The following DHX38 variants were observed in gnomAD, a reference collection of about 807,000 sequenced individuals.
DHX38 encodes pre-mRNA-splicing factor ATP-dependent RNA helicase PRP16.
Under a neutral mutation model 153.1 loss-of-function variants are expected in DHX38, and 100 were observed. The ratio of observed to expected loss-of-function variants is 0.65; its 90% CI spans 0.56 to 0.77. The LOEUF (loss-of-function observed/expected upper bound fraction) is 0.77, where lower values mean the gene tolerates loss of function less well. Among genes scored for constraint, DHX38 ranks in the 30% least tolerant of loss-of-function variants. The pLI is 0.00. For synonymous variants in DHX38, 650 were observed against 631.7 expected, an observed-to-expected ratio of 1.03 and a Z score of -0.43; for missense variants, 1,440 against 1,654.0, an observed-to-expected ratio of 0.87 and a Z score of 2.24.
At chr16:72,102,853 G>GT (rs1160569692) in intron 11 of DHX38, among the ~76,000 whole-genome samples, 1 of 152,248 alleles carries the variant, frequency 6.6e-6, no homozygotes. Flanking sequence ...AGCTAGCTCT[G>GT]TTGGACCCTG....
At chr16:72,097,549 A>G in intron 3 of DHX38, 128 bp from the exon 4 acceptor site, 1 of 821,540 alleles carries the variant, frequency 1.2e-6, no homozygotes, top group Non-Finnish European at 2.0e-6. Flanking sequence ...TCAGGAGTCC[A>G]CGGATCACAT....
At position 72,103,674 on chromosome 16, in the gene DHX38, T is replaced by C. The variant is rs1226844532; in HGVS notation, c.1710T>C (p.His570=). 5 of 1,613,964 alleles carry C rather than the reference T, an allele frequency of 3.1e-6. No homozygotes were observed. In the Admixed American group the frequency reaches 8.3e-5, roughly 27 times the overall value. The change falls in exon 13 of 27, where the codon CAT becomes CAC. Residue 570 remains histidine (H), a synonymous_variant. Transcript: ENST00000268482. ...GKTTQLTQYL[H]EDGYTDYGMI... ...CCACTCAGCTGACGCAGTACCTGCA[T>C]GAAGATGGTTACACGGACTATGGGA... is the stretch of plus-strand genomic sequence containing the variant.
In DHX38 at chr16:72,101,618, C is replaced by T. The variant is rs756062623; in HGVS notation, c.1499+6C>T. ...GATGGGAAGGTGGACTACAGGTGGG[C>T]AGCCTCAGCCAGCAGCACATCAGCC... On this transcript the variant is annotated splice_donor_region_variant and intron_variant, in intron 11 of 26. Coordinates refer to ENST00000268482, the MANE Select transcript of DHX38 (RefSeq NM_014003.4). 14 of 1,549,244 alleles carry T rather than the reference C, an allele frequency of 9.0e-6. No individual in the cohort carries two copies. Among genetic ancestry groups the T allele is most frequent in the Admixed American group, 7.8e-5 (4 of 50,968 alleles).
Position 72,105,146 on chromosome 16 carries a change from C to G in DHX38, c.2262+9C>G. On this transcript the variant is annotated intron_variant, in intron 16 of 26. Transcript: ENST00000268482. Reference sequence around the variant, plus strand: ...GCCAAGAGGACATTGAGGTGCGTGCCTTGGTCACGACTGTGATGAGCGGGT... The same window carrying G: ...GCCAAGAGGACATTGAGGTGCGTGCGTTGGTCACGACTGTGATGAGCGGGT... 6.2e-7 allele frequency: 1 copy of G among 1,614,166 alleles called. No homozygotes were observed. The highest frequency in any genetic ancestry group is 8.5e-7 in the Non-Finnish European group (1 of 1,179,984).
chr16:72,100,321 C>A, intron 8 of DHX38, 115 bp from the exon 9 acceptor site: 3 of 1,394,526 alleles, frequency 2.2e-6, no homozygotes. Context: ...CCTGTGACAT[C>A]TTTGCAGCTA....
Position 72,109,413 on chromosome 16 carries a change from A to G in DHX38, c.3382-2A>G. ...CTCGCCTCCCTGCCCTTCTGCCCGC[A>G]GGAGTATATGCAGTGTGTGACCGCT... On this transcript the variant is annotated splice_acceptor_variant, in intron 24 of 26. Transcript: ENST00000268482. LOFTEE classifies it high-confidence loss of function. The G allele has an allele frequency of 6.2e-7, 1 of 1,612,586 alleles. No individual in the cohort carries two copies. The highest frequency in any genetic ancestry group is 8.5e-7 in the Non-Finnish European group (1 of 1,179,542).
chr16:72,100,989 A>C, intron 9 of DHX38, 97 bp from the exon 10 acceptor site: 1 of 1,197,386 alleles, frequency 8.4e-7, no homozygotes, highest in South Asian at 1.2e-5. Context: ...GCCCTGTACC[A>C]TGAGAGGGTA....
chr16:72,112,257 G>A lies in DHX38; in HGVS notation c.3600-156G>A, dbSNP rs180705005. 2.7e-4 allele frequency: 182 copies of A among 664,676 alleles called. 1 individual carries two copies. In the East Asian group the frequency reaches 4.3e-3, roughly 16 times the overall value. 41.2% of individuals were successfully genotyped at this position (664,676 alleles called of 1,614,324 possible). On this transcript the variant is annotated intron_variant, in intron 26 of 26. Transcript: ENST00000268482. ...TACATCGCCAGTCGAACATGGGGACGGCAGAGGAGTGAGAATGTGCCGGGG... is the reference window on the plus strand; with the variant it reads ...TACATCGCCAGTCGAACATGGGGACAGCAGAGGAGTGAGAATGTGCCGGGG...
At chr16:72,108,163 G>T (rs2042206461) in intron 21 of DHX38, 64 bp from the exon 22 acceptor site, 1 of 1,580,554 alleles carries the variant, frequency 6.3e-7, no homozygotes, top group African/African-American at 1.3e-5. Context: ...TAGAACCTCT[G>T]GGATGTGCTC....
Position 72,098,972 on chromosome 16 carries a change from C to G in DHX38, c.810C>G (p.Pro270=), listed in dbSNP as rs868763359. Residue 270 remains proline, a synonymous_variant, in exon 6 of 27, where the codon CCC becomes CCG. Transcript: ENST00000268482. ...KYSDDTPLPT[P]SYKYNEWADD... is the part of the protein sequence containing the mutation. ...CGGATGACACGCCTCTGCCAACTCCCTCCTACAAATATAACGAGTGGGCCG... is the reference window on the plus strand; with the variant it reads ...CGGATGACACGCCTCTGCCAACTCCGTCCTACAAATATAACGAGTGGGCCG... 6.2e-7 allele frequency: 1 copy of G among 1,614,076 alleles called. No individual in the cohort carries two copies. The highest frequency in any genetic ancestry group is 1.1e-5 in the South Asian group (1 of 91,076).
In DHX38 at chr16:72,101,111, A is replaced by G. The variant is rs1189035918; in HGVS notation, c.1304A>G (p.Asp435Gly). ...KQPEPVIPVKDATSDLAIIAR... is the reference protein window; with the variant it reads ...KQPEPVIPVKGATSDLAIIAR... ...CCGGAGCCGGTGATTCCAGTGAAGG[A>G]TGCTACTTCTGACCTGGCCATCATT... The change falls in exon 10 of 27, where the codon GAT (aspartate) becomes GGT (glycine). Residue 435 changes from aspartate (D) to glycine (G), a missense_variant. By Grantham distance (94) the Asp-to-Gly change is moderately conservative. This residue lies in a region of DHX38 where 241 missense variants were observed against 229.5 expected (regional missense o/e 1.05). Coordinates refer to ENST00000268482, the MANE Select transcript of DHX38 (RefSeq NM_014003.4). 1.2e-6 allele frequency: 2 copies of G among 1,614,244 alleles called. No homozygotes were observed. The highest frequency in any genetic ancestry group is 1.1e-5 in the South Asian group (1 of 91,082).
chr16:72,104,310 G>A lies in DHX38; in HGVS notation c.2011-176G>A, dbSNP rs923177812. On this transcript the variant is annotated intron_variant, in intron 14 of 26. Transcript: ENST00000268482. The surrounding 1 kb of genome is among the most constrained non-coding windows in gnomAD (Gnocchi z 4.5). ...ATGCTGTTCTTGCTCTGCTGAGGGTGGCTTGGGGTTTTCTGGGCAGTGGCT... is the reference window on the plus strand; with the variant it reads ...ATGCTGTTCTTGCTCTGCTGAGGGTAGCTTGGGGTTTTCTGGGCAGTGGCT... The A allele has an allele frequency of 3.4e-6, 4 of 1,185,342 alleles. No homozygotes were observed. The highest frequency in any genetic ancestry group is 1.6e-5 in the South Asian group (1 of 64,246). The allele number at this position is 1,185,342 out of a possible 1,614,324, so 73.4% of individuals were successfully genotyped here.
chr16:72,101,647 C>T, intron 11 of DHX38, 35 bp downstream of exon 11: 1 of 1,531,970 alleles, frequency 6.5e-7, no homozygotes, highest in Non-Finnish European at 8.8e-7. Flanking sequence ...ATCAGCCTTG[C>T]TCCAAAGATG....
intron 1 of DHX38, 25 bp from the exon 2 acceptor site, chr16:72,096,114 A>G (rs2042013518): frequency 6.4e-7 from 1 of 1,565,258 alleles, no homozygotes; most frequent in East Asian, 2.3e-5. Context: ...CTTCTCTAGT[A>G]CCAAATGGTT....
At chr16:72,103,501 G>T in intron 12 of DHX38, 101 bp from the exon 13 acceptor site, 1 of 1,340,330 alleles carries the variant, frequency 7.5e-7, no homozygotes. Context: ...ATGCTCCCTG[G>T]ATAGCTAGTC....
rs1407528593 is a variant in DHX38 at position 72,100,603 on chromosome 16, G to A, written c.1278+6G>A. ...GCATTGTCTTCACCAAGCAGGTGAG[G>A]CTCCTCTGTGGCCAGGGACAAGACA... On this transcript the variant is annotated splice_donor_region_variant and intron_variant, in intron 9 of 26. Transcript: ENST00000268482. The A allele has an allele frequency of 6.2e-7, 1 of 1,613,522 alleles. No homozygotes were observed. Among genetic ancestry groups the A allele is most frequent in the Non-Finnish European group, 8.5e-7 (1 of 1,179,788 alleles).
intron 8 of DHX38, 50 bp downstream of exon 8, chr16:72,099,937 A>G: frequency 6.4e-7 from 1 of 1,555,336 alleles, no homozygotes; most frequent in Non-Finnish European, 8.7e-7. Flanking sequence ...GAGGTAGAGC[A>G]CGTGGGGAAG....
At chr16:72,106,925 C>T (rs1333028700) in intron 19 of DHX38, among the ~76,000 whole-genome samples, 1 of 152,090 alleles carries the variant, frequency 6.6e-6, no homozygotes, top group Non-Finnish European at 1.5e-5. Context: ...AATCCTGGCA[C>T]TTTGGGAGGC....
In DHX38 at chr16:72,099,036, A is replaced by G. The variant is rs1460870031; in HGVS notation, c.874A>G (p.Arg292Gly). ...CTTGGGGTCCACCCCGCGTCTGTCC[A>G]GGGGCCGAGGTGAGGCCTGTGGGGC... Reference protein sequence around the residue: ...RHLGSTPRLSRGRGRREEGEE... With the variant: ...RHLGSTPRLSGGRGRREEGEE... Residue 292 changes from arginine to glycine, a missense_variant, in exon 6 of 27, where the codon AGG (arginine) becomes GGG (glycine). Physicochemically the swap from Arg to Gly is moderately radical, Grantham distance 125. This residue lies in a region of DHX38 where 483 missense variants were observed against 465.1 expected (regional missense o/e 1.04). Transcript: ENST00000268482. The G allele has an allele frequency of 6.2e-7, 1 of 1,612,508 alleles. No homozygotes were observed. The highest frequency in any genetic ancestry group is 1.3e-5 in the African/African-American group (1 of 74,896).
Sources: allele counts gnomAD v4.1 joint callset (sites outside exome capture counted in the v4.1 genomes callset), GRCh38; gene constraint gnomAD v4.1.1; regional missense constraint gnomAD v4.1.1; non-coding constraint Gnocchi (gnomAD v3.1); transcripts MANE v1.5; gene names NCBI Gene and HGNC (gene_info 2026-07-23, HGNC 2026-07-21).